Variants in RABGAP1L observed in about 807,000 individuals in gnomAD.
RABGAP1L encodes rab GTPase-activating protein 1-like.
RABGAP1L carries 63 observed loss-of-function variants against 137.7 expected under a neutral mutation model. The ratio of observed to expected loss-of-function variants is 0.46; its 90% CI spans 0.37 to 0.56. RABGAP1L has a LOEUF of 0.56. RABGAP1L is among the 20% of genes least tolerant of loss of function. RABGAP1L has a pLI of 0.00. For missense variants in RABGAP1L, 1,095 were observed against 1,244.0 expected, an observed-to-expected ratio of 0.88 and a Z score of 1.80; for synonymous variants, 431 against 433.7, an observed-to-expected ratio of 0.99 and a Z score of 0.08.
At chr1:174,687,296 A>C (rs1678551464) in intron 15 of RABGAP1L, among the ~76,000 whole-genome samples, 1 of 152,170 alleles carries the variant, frequency 6.6e-6, no homozygotes, top group African/African-American at 2.4e-5. Context: ...GTTACAAGAG[A>C]GACAGAAATT....
chr1:174,414,235 A>T (rs904192943), intron 13 of RABGAP1L, among the ~76,000 whole-genome samples: 1 of 151,998 alleles, frequency 6.6e-6, no homozygotes, highest in African/African-American at 2.4e-5. Context: ...TCTTCAAAAA[A>T]TTTTCCAATA....
intron 13 of RABGAP1L, among the ~76,000 whole-genome samples, chr1:174,625,428 A>AGT (rs1339479331): frequency 6.6e-6 from 1 of 151,792 alleles, no homozygotes; most frequent in Non-Finnish European, 1.5e-5. Flanking sequence ...TTTGTGGGGT[A>AGT]GTGTGTGTGT....
chr1:174,640,615 G>T (rs1674452726), intron 14 of RABGAP1L, among the ~76,000 whole-genome samples: 1 of 152,002 alleles, frequency 6.6e-6, no homozygotes. Context: ...GTCCACCTCT[G>T]AGTTTCTATT....
intron 15 of RABGAP1L, among the ~76,000 whole-genome samples, chr1:174,692,828 T>C (rs2148501922): frequency 6.6e-6 from 1 of 152,280 alleles, no homozygotes; most frequent in Admixed American, 6.5e-5. Context: ...CTCTTAAATA[T>C]ATTTCACTTA....
At position 174,375,527 on chromosome 1, in the gene RABGAP1L, A is replaced by T. The variant is rs1176691899; in HGVS notation, c.1559+4455A>T. On this transcript the variant is annotated intron_variant, in intron 12 of 25. Coordinates refer to ENST00000681986, the MANE Select transcript of RABGAP1L (RefSeq NM_001366446.1). ...CAGATACAAGAATCAAAGAGGCTAC[A>T]TCATTACAAATCACTACAGACATTA... Among the ~76,000 whole-genome samples the T allele has an allele frequency of 2.6e-5, 4 of 152,176 alleles. No homozygotes were observed. In the East Asian group the frequency reaches 7.7e-4, roughly 29 times the overall value.
intron 19 of RABGAP1L, among the ~76,000 whole-genome samples, chr1:174,828,899 G>A (rs908816152): frequency 6.7e-6 from 1 of 148,192 alleles, no homozygotes; most frequent in African/African-American, 2.5e-5. Context: ...ATTAGTAGCT[G>A]TTTGATCTCT....
intron 11 of RABGAP1L, among the ~76,000 whole-genome samples, chr1:174,357,372 C>T (rs940214574): frequency 3.3e-5 from 5 of 152,052 alleles, no homozygotes; most frequent in Non-Finnish European, 7.4e-5. Flanking sequence ...TTTTCCTCAC[C>T]CTAAGCGTGT....
At chr1:174,696,075 A>G (rs1386166724) in intron 15 of RABGAP1L, among the ~76,000 whole-genome samples, 1 of 152,114 alleles carries the variant, frequency 6.6e-6, no homozygotes, top group Non-Finnish European at 1.5e-5. Context: ...TGAAGCCAGC[A>G]TGGTACCTGA....
At chr1:174,289,431 C>G (rs974657520) in intron 10 of RABGAP1L, among the ~76,000 whole-genome samples, 2 of 152,144 alleles carry the variant, frequency 1.3e-5, no homozygotes, top group Admixed American at 1.3e-4. Flanking sequence ...TCTTGTAGTT[C>G]ACTGATTTTT....
In RABGAP1L at chr1:174,237,816, C is replaced by G. The variant is rs774177135; in HGVS notation, c.543-3667C>G. On this transcript the variant is annotated intron_variant, in intron 4 of 25. Coordinates refer to ENST00000681986, the MANE Select transcript of RABGAP1L (RefSeq NM_001366446.1). Reference sequence around the variant, plus strand: ...GTATTTCCTGAATCTGAACGTTGGCCTGCCTTACTAGATTGGGGAAATTCT... The same window carrying G: ...GTATTTCCTGAATCTGAACGTTGGCGTGCCTTACTAGATTGGGGAAATTCT... Among the ~76,000 whole-genome samples the G allele has an allele frequency of 2.1e-3, 317 of 149,944 alleles. 1 individual carries two copies. The highest frequency in any genetic ancestry group is 3.8e-3 in the Non-Finnish European group (256 of 67,802).
intron 24 of RABGAP1L, among the ~76,000 whole-genome samples, chr1:174,988,345 G>A (rs1235786676): frequency 6.6e-6 from 1 of 152,108 alleles, no homozygotes; most frequent in Non-Finnish European, 1.5e-5. Flanking sequence ...GTGGGGCTTG[G>A]CATCTAGTAA....
chr1:174,527,608 T>C (rs998335729), intron 13 of RABGAP1L, among the ~76,000 whole-genome samples: 2 of 152,218 alleles, frequency 1.3e-5, no homozygotes, highest in Admixed American at 6.5e-5. Context: ...ATGTCTATTC[T>C]GCAATTTTTG....
chr1:174,441,949 A>G (rs554867073), intron 13 of RABGAP1L, among the ~76,000 whole-genome samples: 17 of 151,948 alleles, frequency 1.1e-4, no homozygotes, highest in African/African-American at 2.2e-4. Context: ...AGCATGTGCA[A>G]TTATCAATTA....
intron 11 of RABGAP1L, among the ~76,000 whole-genome samples, chr1:174,340,714 A>T (rs765486949): frequency 4.6e-5 from 7 of 152,234 alleles, no homozygotes; most frequent in Non-Finnish European, 8.8e-5. Context: ...GCTAATTGTG[A>T]ATAGTGGTAC....
At chr1:174,439,202 A>G (rs1036608655) in intron 13 of RABGAP1L, among the ~76,000 whole-genome samples, 1 of 152,066 alleles carries the variant, frequency 6.6e-6, no homozygotes, top group Non-Finnish European at 1.5e-5. Flanking sequence ...ATTATGCTAG[A>G]TGTAGGTTTT....
chr1:174,795,184 T>C (rs1688154994), intron 18 of RABGAP1L, among the ~76,000 whole-genome samples: 1 of 152,108 alleles, frequency 6.6e-6, no homozygotes, highest in Non-Finnish European at 1.5e-5. Context: ...TCAGAATATG[T>C]CACCCCTCCC....
chr1:174,372,691 G>A (rs964568308), intron 12 of RABGAP1L, among the ~76,000 whole-genome samples: 1 of 151,800 alleles, frequency 6.6e-6, no homozygotes, highest in Non-Finnish European at 1.5e-5. Flanking sequence ...GACTTAAAGT[G>A]TTGTTGTTTT....
intron 17 of RABGAP1L, among the ~76,000 whole-genome samples, chr1:174,728,652 C>T (rs562721916): frequency 4.6e-5 from 6 of 129,316 alleles, no homozygotes; most frequent in Admixed American, 9.5e-5. Context: ...GGCTGGAGTG[C>T]GGTGGTGTGA....
chr1:174,861,523 C>T (rs920868333), intron 19 of RABGAP1L, among the ~76,000 whole-genome samples: 3 of 152,082 alleles, frequency 2.0e-5, no homozygotes, highest in Non-Finnish European at 4.4e-5. Context: ...ATTTGAAGAT[C>T]CTCTGTACTA....
Sources: gnomAD v4.1 joint callset for allele counts (sites outside exome capture counted in the v4.1 genomes callset) on GRCh38, gnomAD v4.1.1 for gene constraint, MANE v1.5 for transcripts, NCBI Gene and HGNC (gene_info 2026-07-23, HGNC 2026-07-21) for gene names.